DLGAP2: variants seen among roughly 807,000 people sequenced by gnomAD.
The protein encoded by DLGAP2 is DLG associated protein 2, also known as disks large-associated protein 2.
A neutral mutation model predicts 100.3 loss-of-function variants in DLGAP2; 26 were observed. The observed-to-expected ratio is 0.26, with a 90% CI of 0.19 to 0.36. The LOEUF is 0.36. Among genes scored for constraint, DLGAP2 ranks in the 10% least tolerant of loss-of-function variants. DLGAP2 has a pLI of 1.00. For synonymous variants in DLGAP2, 886 were observed against 630.1 expected (o/e 1.41, Z -6.08); for missense variants, 1,858 against 1,453.2 (o/e 1.28, Z -4.53).
At chr8:1,359,816 C>T (rs1271055317) in intron 3 of DLGAP2, among the ~76,000 whole-genome samples, 1 of 152,208 alleles carries the variant, frequency 6.6e-6, no homozygotes, top group East Asian at 1.9e-4. Flanking sequence ...ATGGACTTCT[C>T]CTTAGGGTTT....
At chr8:912,421 A>C (rs189266838) in intron 2 of DLGAP2, among the ~76,000 whole-genome samples, 1 of 152,270 alleles carries the variant, frequency 6.6e-6, no homozygotes, top group Admixed American at 6.5e-5. Context: ...CCCCGCAGCA[A>C]TGTGCTGGTC....
At chr8:1,156,610 C>CCCAGCCTAGCGCT (rs1796793786) in intron 2 of DLGAP2, among the ~76,000 whole-genome samples, 1 of 27,318 alleles carries the variant, frequency 3.7e-5, no homozygotes, top group Admixed American at 3.9e-4. Flanking sequence ...AGCCTAGCGT[C>CCCAGCCTAGCGCT]CCAGCCCAGC....
intron 6 of DLGAP2, among the ~76,000 whole-genome samples, chr8:1,626,529 A>ACGGTCGTTCCCATCTCTGCCCTGTGGCG (rs1563265351): frequency 6.1e-4 from 38 of 62,616 alleles, no homozygotes; most frequent in South Asian, 1.9e-3. Flanking sequence ...ACCCTGCAGC[A>ACGGTCGTTCCCATCTCTGCCCTGTGGCG]GGTGCTCAGC....
chr8:817,098 G>A (rs939700625), intron 1 of DLGAP2, among the ~76,000 whole-genome samples: 11 of 149,220 alleles, frequency 7.4e-5, no homozygotes, highest in African/African-American at 2.5e-4. Context: ...CCAAGATCGC[G>A]CCGCTGCACT....
intron 2 of DLGAP2, among the ~76,000 whole-genome samples, chr8:962,901 T>C (rs1277746285): frequency 6.6e-6 from 1 of 152,178 alleles, no homozygotes; most frequent in Admixed American, 6.5e-5. Flanking sequence ...TTTGTGACCG[T>C]GCCTCCCTCC....
chr8:1,545,047 T>C (rs1328519807), intron 4 of DLGAP2, among the ~76,000 whole-genome samples: 1 of 152,140 alleles, frequency 6.6e-6, no homozygotes, highest in Non-Finnish European at 1.5e-5. Context: ...TGAGGCTTTT[T>C]GCATCTCTAT....
At position 1,583,824 on chromosome 8, in the gene DLGAP2, C is replaced by G. The variant is rs545104833; in HGVS notation, c.1442+17930C>G. 5.3e-5 allele frequency among the ~76,000 whole-genome samples: 8 copies of G among 152,238 alleles called. No individual in the cohort carries two copies. In the South Asian group the frequency reaches 1.7e-3, roughly 32 times the overall value. On this transcript the variant is annotated intron_variant, in intron 6 of 14. Coordinates refer to ENST00000637795, the MANE Select transcript of DLGAP2 (RefSeq NM_001346810.2). The stretch of plus-strand genomic sequence containing the variant: ...CCACGCGCTGGTTGCAGGGGTTTGC[C>G]TGATCCCAGTGCAGATCCTTCGTGA...
intron 2 of DLGAP2, among the ~76,000 whole-genome samples, chr8:1,242,584 C>T (rs1028979281): frequency 4.6e-5 from 7 of 152,226 alleles, no homozygotes; most frequent in African/African-American, 9.6e-5. Flanking sequence ...GGCCCACCCT[C>T]GCCTGAGCCC....
intron 3 of DLGAP2, among the ~76,000 whole-genome samples, chr8:1,492,539 G>A (rs1308347681): frequency 1.3e-5 from 2 of 152,330 alleles, no homozygotes; most frequent in East Asian, 1.9e-4. Context: ...GGCGACACCC[G>A]ATGGGGACCG....
At chr8:1,346,491 C>T (rs1801559548) in intron 3 of DLGAP2, among the ~76,000 whole-genome samples, 5 of 151,114 alleles carry the variant, frequency 3.3e-5, no homozygotes, top group Admixed American at 3.3e-4. Context: ...TACACATCTG[C>T]ATTGCTCTCA....
intron 2 of DLGAP2, among the ~76,000 whole-genome samples, chr8:1,126,542 C>T (rs764501996): frequency 2.0e-5 from 3 of 151,838 alleles, no homozygotes; most frequent in Non-Finnish European, 4.4e-5. Context: ...AGAGATCAGG[C>T]TGGGAGATCC....
chr8:1,178,932 C>T (rs1797320515), intron 2 of DLGAP2, among the ~76,000 whole-genome samples: 1 of 152,194 alleles, frequency 6.6e-6, no homozygotes, highest in Admixed American at 6.5e-5. Context: ...GCACACCGGC[C>T]TCTGCACCTG....
intron 3 of DLGAP2, among the ~76,000 whole-genome samples, chr8:1,495,838 C>G (rs1006016413): frequency 6.6e-6 from 1 of 152,210 alleles, no homozygotes; most frequent in African/African-American, 2.4e-5. Context: ...CTCAGCGCAT[C>G]TCTATGTTAA....
At chr8:1,341,933 GTTTGTTTTGA>G (rs1158841455) in intron 3 of DLGAP2, among the ~76,000 whole-genome samples, 3 of 152,096 alleles carry the variant, frequency 2.0e-5, no homozygotes, top group Non-Finnish European at 1.5e-5. Flanking sequence ...GTTTTGTTGT[GTTTGTTTTGA>G]TTTGTTTTGC....
intron 2 of DLGAP2, chr8:1,250,509 T>G (rs1383853066): frequency 6.6e-6 from 1 of 152,332 alleles, no homozygotes. Context: ...TGAGGATAGC[T>G]GAGCATCCGT....
intron 3 of DLGAP2, among the ~76,000 whole-genome samples, chr8:1,359,070 C>G (rs1403248568): frequency 6.6e-6 from 1 of 152,188 alleles, no homozygotes; most frequent in Non-Finnish European, 1.5e-5. Context: ...GCCCACGATT[C>G]TGCATTTCTA....
intron 2 of DLGAP2, among the ~76,000 whole-genome samples, chr8:1,143,582 T>A (rs145115283): frequency 2.5e-3 from 375 of 152,228 alleles, no homozygotes; most frequent in African/African-American, 8.9e-3. Context: ...AGCCCCGGGC[T>A]CTCCAGGCTG....
chr8:1,128,501 C>G (rs1053599730), intron 2 of DLGAP2, among the ~76,000 whole-genome samples: 1 of 152,232 alleles, frequency 6.6e-6, no homozygotes, highest in Non-Finnish European at 1.5e-5. Context: ...GCCTGCAGGA[C>G]TCAGCGCGGT....
At chr8:1,483,479 G>T (rs111737267) in intron 3 of DLGAP2, among the ~76,000 whole-genome samples, 3 of 130,736 alleles carry the variant, frequency 2.3e-5, no homozygotes, top group African/African-American at 3.3e-5. Flanking sequence ...GTCTCCACAG[G>T]GCAGGGAGGC....
Sources: gnomAD v4.1 joint callset for allele counts (sites outside exome capture counted in the v4.1 genomes callset) on GRCh38, gnomAD v4.1.1 for gene constraint, MANE v1.5 for transcripts, NCBI Gene and HGNC (gene_info 2026-07-23, HGNC 2026-07-21) for gene names.